Variants in CCDC43 observed in about 807,000 individuals in gnomAD.
CCDC43 encodes coiled-coil domain-containing protein 43.
CCDC43 carries 20 observed loss-of-function variants against 33.3 expected under a neutral mutation model. The observed-to-expected ratio is 0.60, with a 90% CI of 0.42 to 0.87. The LOEUF (loss-of-function observed/expected upper bound fraction) is 0.87. CCDC43 is among the 40% of genes least tolerant of loss of function. The probability of loss-of-function intolerance (pLI) is 0.00; values close to 1 mark genes in which losing one functional copy is unlikely to be tolerated. For synonymous variants in CCDC43, 104 were observed against 106.5 expected (o/e 0.98, Z 0.14); for missense variants, 248 against 269.9 (o/e 0.92, Z 0.57).
intron 4 of CCDC43, among the ~76,000 whole-genome samples, chr17:44,680,073 G>A (rs1341707148): frequency 6.6e-6 from 1 of 151,802 alleles, no homozygotes; most frequent in Non-Finnish European, 1.5e-5. Context: ...GACTTCCTGG[G>A]CTCAGGTGAT....
intron 1 of CCDC43, among the ~76,000 whole-genome samples, chr17:44,687,311 C>T (rs1972252408): frequency 6.6e-6 from 1 of 152,042 alleles, no homozygotes; most frequent in Admixed American, 6.6e-5. Context: ...GGCATGGTGG[C>T]ATATGCCTGT....
At chr17:44,686,063 G>A (rs977185642) in intron 1 of CCDC43, among the ~76,000 whole-genome samples, 1 of 152,098 alleles carries the variant, frequency 6.6e-6, no homozygotes, top group East Asian at 1.9e-4. Context: ...ACAGGCGCCC[G>A]CCACCACGCC....
chr17:44,682,377 A>T (rs1298732899), intron 2 of CCDC43, among the ~76,000 whole-genome samples: 1 of 143,226 alleles, frequency 7.0e-6, no homozygotes, highest in Non-Finnish European at 1.5e-5. Context: ...TTATATACTG[A>T]AGTTCTGCTG....
intron 4 of CCDC43, 60 bp downstream of exon 4, chr17:44,680,519 CAAAATA>C (rs1048310887): frequency 2.5e-5 from 30 of 1,205,818 alleles, no homozygotes; most frequent in African/African-American, 1.9e-4. Flanking sequence ...GCAATGACAG[CAAAATA>C]AAAACTGATC....
Position 44,678,875 on chromosome 17 carries a change from C to G in CCDC43, c.656G>C (p.Arg219Thr). The change falls in exon 5 of 5, where the codon AGA (arginine) becomes ACA (threonine). Residue 219 changes from arginine (R) to threonine (T), a missense_variant. Transcript: ENST00000315286. ...RKEKEKKRTQ[R>T]GERKR The stretch of plus-strand genomic sequence containing the variant: ...CCAAGGTTATCGCTTTCGCTCCCCT[C>G]TCTGTGTCCTTTTTTTTTCCTTTTC... 1.2e-6 allele frequency: 2 copies of G among 1,613,746 alleles called. No homozygotes were observed. Among genetic ancestry groups the G allele is most frequent in the Non-Finnish European group, 8.5e-7 (1 of 1,179,778 alleles).
chr17:44,680,514 G>T, intron 4 of CCDC43, 71 bp downstream of exon 4: 1 of 1,129,200 alleles, frequency 8.9e-7, no homozygotes, highest in South Asian at 1.3e-5. Context: ...CGCCAGCAAT[G>T]ACAGCAAAAT....
rs1183520666 is a variant in CCDC43, at chr17:44,680,571, AC to A, written c.487+13del. ...TCTATGGAGAAACACATAGGGAGGG[AC>A]CCAGAAGGATACGTTTGTCAGAACC... On this transcript the variant is annotated intron_variant, in intron 4 of 4. Transcript: ENST00000315286. 1.0e-5 allele frequency: 16 copies of A among 1,595,106 alleles called. No individual in the cohort carries two copies. The highest frequency in any genetic ancestry group is 1.2e-5 in the Non-Finnish European group (14 of 1,163,514).
intron 1 of CCDC43, among the ~76,000 whole-genome samples, chr17:44,684,949 T>C (rs1972212774): frequency 2.0e-5 from 3 of 151,790 alleles, no homozygotes; most frequent in Non-Finnish European, 2.9e-5. Context: ...CCTGGCTAAT[T>C]GAGTTTGTTG....
intron 1 of CCDC43, among the ~76,000 whole-genome samples, chr17:44,687,059 C>G (rs998779684): frequency 6.6e-6 from 1 of 152,076 alleles, no homozygotes; most frequent in Non-Finnish European, 1.5e-5. Flanking sequence ...GAGGCCAAGG[C>G]AGGAGGATGT....
chr17:44,678,742 A>G lies in CCDC43; in HGVS notation c.*114T>C. ...TGATTTTCCTTTTGACCATGTAAAC[A>G]ATAGGGGAAATGCCTTGGGAAACTA... On this transcript the variant is annotated 3_prime_UTR_variant, in exon 5 of 5. Coordinates refer to ENST00000315286, the MANE Select transcript of CCDC43 (RefSeq NM_144609.3). 9.3e-7 allele frequency: 1 copy of G among 1,076,116 alleles called. No homozygotes were observed. Among genetic ancestry groups the G allele is most frequent in the Non-Finnish European group, 1.3e-6 (1 of 759,050 alleles). 66.7% of individuals were successfully genotyped at this position (1,076,116 alleles called of 1,614,324 possible).
intron 4 of CCDC43, among the ~76,000 whole-genome samples, chr17:44,680,294 T>C (rs932325785): frequency 6.6e-6 from 1 of 152,118 alleles, no homozygotes; most frequent in Non-Finnish European, 1.5e-5. Context: ...GACCTCAATA[T>C]TATTTTAATT....
chr17:44,683,481 A>G (rs1972191287), intron 2 of CCDC43, among the ~76,000 whole-genome samples: 1 of 152,078 alleles, frequency 6.6e-6, no homozygotes, highest in South Asian at 2.1e-4. Flanking sequence ...GTGAGCTGAG[A>G]TTACGCCACT....
chr17:44,682,729 G>A (rs774621917), intron 2 of CCDC43, among the ~76,000 whole-genome samples: 3 of 152,070 alleles, frequency 2.0e-5, no homozygotes, highest in Admixed American at 6.6e-5. Context: ...GGTGACGGGC[G>A]CCTGTAGTCC....
At chr17:44,689,523 C>T in intron 1 of CCDC43, 27 bp downstream of exon 1, 1 of 1,613,714 alleles carries the variant, frequency 6.2e-7, no homozygotes, top group African/African-American at 1.3e-5. Context: ...TGGCCAGAGG[C>T]TGAAGGAATG....
Position 44,678,866 on chromosome 17 carries a change from C to G in CCDC43, c.665G>C (p.Arg222Pro). The G allele has an allele frequency of 6.2e-7, 1 of 1,613,162 alleles. No homozygotes were observed. Among genetic ancestry groups the G allele is most frequent in the Non-Finnish European group, 8.5e-7 (1 of 1,179,562 alleles). Residue 222 changes from arginine to proline, a missense_variant, in exon 5 of 5, where the codon CGA (arginine) becomes CCA (proline). Coordinates refer to ENST00000315286, the MANE Select transcript of CCDC43 (RefSeq NM_144609.3). Reference sequence around the variant, plus strand: ...TAGAGTAGGCCAAGGTTATCGCTTTCGCTCCCCTCTCTGTGTCCTTTTTTT... The same window carrying G: ...TAGAGTAGGCCAAGGTTATCGCTTTGGCTCCCCTCTCTGTGTCCTTTTTTT... ...KEKKRTQRGE[R>P]KR
At chr17:44,683,198 A>G (rs1157666915) in intron 2 of CCDC43, among the ~76,000 whole-genome samples, 1 of 152,184 alleles carries the variant, frequency 6.6e-6, no homozygotes, top group Non-Finnish European at 1.5e-5. Context: ...GTTTAGCTGA[A>G]TAAAGCCAAA....
chr17:44,679,167 T>A (rs1369670690), intron 4 of CCDC43, 124 bp from the exon 5 acceptor site: 2 of 613,242 alleles, frequency 3.3e-6, no homozygotes, highest in Non-Finnish European at 5.1e-6. Context: ...ATTCCTGGTT[T>A]TTTAAAAAAA....
chr17:44,689,368 G>A (rs1972287955), intron 1 of CCDC43, 182 bp downstream of exon 1: 1 of 802,526 alleles, frequency 1.2e-6, no homozygotes, highest in Non-Finnish European at 1.9e-6. Context: ...CAGCTTTCAG[G>A]CTTCCCACAC....
In CCDC43 at chr17:44,678,752, A is replaced by T. The variant is rs1366781319; in HGVS notation, c.*104T>A. 4 of 1,146,138 alleles carry T rather than the reference A, an allele frequency of 3.5e-6. No homozygotes were observed. The highest frequency in any genetic ancestry group is 4.9e-6 in the Non-Finnish European group (4 of 821,720). The allele number at this position is 1,146,138 out of a possible 1,614,324, so 71.0% of individuals were successfully genotyped here. A position where few individuals can be genotyped will look rare whatever the true frequency, so the allele number is the denominator to read the frequency against. On this transcript the variant is annotated 3_prime_UTR_variant, in exon 5 of 5. Coordinates refer to ENST00000315286, the MANE Select transcript of CCDC43 (RefSeq NM_144609.3). ...TTTGACCATGTAAACAATAGGGGAA[A>T]TGCCTTGGGAAACTACTTTGCAATG...
Sources: gnomAD v4.1 joint callset for allele counts (sites outside exome capture counted in the v4.1 genomes callset) on GRCh38, gnomAD v4.1.1 for gene constraint, MANE v1.5 for transcripts, NCBI Gene and HGNC (gene_info 2026-07-23, HGNC 2026-07-21) for gene names.